Variants in MGAM observed in about 807,000 individuals in gnomAD.
MGAM encodes alpha-1,4-glucosidase.
Under a neutral mutation model 358.8 loss-of-function variants are expected in MGAM, and 253 were observed. That is an observed-to-expected ratio of 0.71 (90% CI 0.64 to 0.78). The LOEUF (loss-of-function observed/expected upper bound fraction) is 0.78. Ranked by LOEUF, MGAM falls within the 30% of genes least tolerant of loss-of-function variation. MGAM has a pLI of 0.00. For missense variants in MGAM, 3,080 were observed against 3,432.6 expected (o/e 0.90, Z 2.57); for synonymous variants, 1,105 against 1,227.1 (o/e 0.90, Z 2.08).
At chr7:142,026,575 A>T (rs28379279) in intron 8 of MGAM, among the ~76,000 whole-genome samples, 44 of 152,282 alleles carry the variant, frequency 2.9e-4, no homozygotes, top group African/African-American at 1.0e-3. Flanking sequence ...AACAAATGAC[A>T]TTTTGGAAAG....
chr7:142,047,717 ATATTCTCAGC>A, intron 21 of MGAM, 58 bp from the exon 22 acceptor site: 1 of 1,417,448 alleles, frequency 7.1e-7, no homozygotes, highest in Admixed American at 1.7e-5. Flanking sequence ...TTTGATGGAA[ATATTCTCAGC>A]TCGGCTGGCA....
At chr7:142,064,635 A>C in intron 37 of MGAM, 113 bp downstream of exon 37, 975 of 1,372,850 alleles carry the variant, frequency 7.1e-4, no homozygotes, top group Non-Finnish European at 8.7e-4. Flanking sequence ...GAAGATTCTC[A>C]TAACTCTGTA....
Position 142,027,665 on chromosome 7 carries a change from G to A in MGAM, c.1151G>A (p.Arg384His), listed in dbSNP as rs537674844. 1.1e-5 allele frequency: 18 copies of A among 1,613,722 alleles called. No homozygotes were observed. Among genetic ancestry groups the A allele is most frequent in the Admixed American group, 3.3e-5 (2 of 59,998 alleles). Reference protein sequence around the residue: ...SYWALGFHLSRYEYGTLDNMR... With the variant: ...SYWALGFHLSHYEYGTLDNMR... ...TGGGCGCTTGGATTTCACCTCAGTC[G>A]TTACGAATATGGAACCTTAGACAAC... Residue 384 changes from arginine to histidine, a missense_variant, in exon 10 of 71, where the codon CGT becomes CAT. By Grantham distance (29) the Arg-to-His change is conservative (BLOSUM62 0). This residue lies in a region of MGAM where 1,816 missense variants were observed against 1,840.5 expected (regional missense o/e 0.99). Transcript: ENST00000475668.
chr7:142,054,280 T>C (rs576093661), intron 26 of MGAM, among the ~76,000 whole-genome samples: 12 of 152,328 alleles, frequency 7.9e-5, no homozygotes, highest in Non-Finnish European at 1.5e-4. Flanking sequence ...TGAGCTCACG[T>C]CCCTAGTGTC....
intron 21 of MGAM, among the ~76,000 whole-genome samples, chr7:142,041,107 C>T (rs571765125): frequency 6.6e-6 from 1 of 152,072 alleles, no homozygotes; most frequent in Non-Finnish European, 1.5e-5. Flanking sequence ...TTCTAGAGAA[C>T]CTTGACTCTC....
chr7:141,990,820 C>T (rs1237847839), intron 2 of MGAM, among the ~76,000 whole-genome samples: 2 of 152,200 alleles, frequency 1.3e-5, no homozygotes, highest in Non-Finnish European at 2.9e-5. Flanking sequence ...TAATGCTGCT[C>T]CCTTCGCCCA....
At chr7:141,998,868 C>T (rs1395173988) in intron 1 of MGAM, among the ~76,000 whole-genome samples, 1 of 152,120 alleles carries the variant, frequency 6.6e-6, no homozygotes, top group East Asian at 1.9e-4. Context: ...TTTACACTCC[C>T]AACAGTGTAA....
In MGAM at chr7:142,036,264, T is replaced by A; in HGVS notation, c.2055T>A (p.Asn685Lys). The part of the protein sequence containing the change: ...QLGAFYPFSR[N>K]HNGQGYKDQD... Reference sequence around the variant, plus strand: ...GTGCATTTTATCCGTTTTCTAGAAATCACAATGGCCAAGGCTACAAGGTAA... The same window carrying A: ...GTGCATTTTATCCGTTTTCTAGAAAACACAATGGCCAAGGCTACAAGGTAA... Residue 685 changes from asparagine (N) to lysine (K), a missense_variant, in exon 17 of 71, where the codon AAT (asparagine) becomes AAA (lysine). Around this residue, in one of 5 missense-constraint regions of MGAM, gnomAD observed 1,816 missense variants for 1,840.5 expected, o/e 0.99. Transcript: ENST00000475668. 6.2e-7 allele frequency: 1 copy of A among 1,608,324 alleles called. No individual in the cohort carries two copies. Among genetic ancestry groups the A allele is most frequent in the Non-Finnish European group, 8.5e-7 (1 of 1,177,344 alleles).
At chr7:142,062,464 C>G (rs1478822771) in intron 34 of MGAM, 104 bp from the exon 35 acceptor site, 2 of 1,436,180 alleles carry the variant, frequency 1.4e-6, no homozygotes, top group South Asian at 1.4e-5. Flanking sequence ...GGCTGTCTGT[C>G]ACCATGCAGT....
intron 22 of MGAM, among the ~76,000 whole-genome samples, chr7:142,049,646 CAGATG>C (rs1266517655): frequency 2.0e-5 from 3 of 152,106 alleles, no homozygotes; most frequent in Non-Finnish European, 4.4e-5. Context: ...AGGACCTGAA[CAGATG>C]TTTTTCCAAG....
rs1038411913 is a variant in MGAM, at chr7:142,055,630, G to A, written c.3387G>A (p.Lys1129=). 11 of 1,613,912 alleles carry A rather than the reference G, an allele frequency of 6.8e-6. No individual in the cohort carries two copies. Among genetic ancestry groups the A allele is most frequent in the African/African-American group, 1.3e-5 (1 of 75,018 alleles). ...FIRISTRLPS[K]YLYGFGETEH... ...GCATCTCCACCCGCCTTCCCTCCAAGTACCTCTATGGCTTTGGGGAAACTG... is the reference window on the plus strand; with the variant it reads ...GCATCTCCACCCGCCTTCCCTCCAAATACCTCTATGGCTTTGGGGAAACTG... The change falls in exon 28 of 71, where the codon AAG becomes AAA. Residue 1129 remains lysine (K), a synonymous_variant. Coordinates refer to ENST00000475668, the MANE Select transcript of MGAM (RefSeq NM_001365693.1).
chr7:142,092,673 C>A, intron 59 of MGAM, 65 bp downstream of exon 59: 2 of 1,393,594 alleles, frequency 1.4e-6, no homozygotes, highest in Non-Finnish European at 2.0e-6. Flanking sequence ...ACTGGAGGAG[C>A]CCGAGGCCAG....
Position 142,095,784 on chromosome 7 carries a change from C to T in MGAM, c.7607+71C>T. On this transcript the variant is annotated intron_variant, in intron 64 of 70. Transcript: ENST00000475668. ...CATTCTATATGGTGACAGTTGAATT[C>T]TTCCAAATTAAAGACATGATTGCCT... is the stretch of plus-strand genomic sequence containing the variant. 1.9e-6 allele frequency: 3 copies of T among 1,581,680 alleles called. No individual in the cohort carries two copies. The South Asian group carries it at 3.5e-5, about 18-fold the overall frequency.
intron 2 of MGAM, among the ~76,000 whole-genome samples, chr7:142,007,547 C>T (rs1186409068): frequency 6.6e-6 from 1 of 152,084 alleles, no homozygotes; most frequent in Non-Finnish European, 1.5e-5. Flanking sequence ...ATTATGCAGA[C>T]ATTGGCACAA....
At position 142,034,765 on chromosome 7, in the gene MGAM, A is replaced by G. The variant is rs539459227; in HGVS notation, c.1883A>G (p.Asp628Gly). ...SGKFAAHWLG[D>G]NTATWDDLRW... The stretch of plus-strand genomic sequence containing the variant: ...AAGTTTGCAGCACATTGGTTAGGAG[A>G]CAACACTGCCACCTGGGATGACCTG... The change falls in exon 16 of 71, where the codon GAC becomes GGC. Residue 628 changes from aspartate (D) to glycine (G), a missense_variant. Asp to Gly is a moderately conservative substitution (Grantham distance 94). This residue lies in a region of MGAM where 1,816 missense variants were observed against 1,840.5 expected (regional missense o/e 0.99). Coordinates refer to ENST00000475668, the MANE Select transcript of MGAM (RefSeq NM_001365693.1). 3 of 1,613,556 alleles carry G rather than the reference A, an allele frequency of 1.9e-6. No individual in the cohort carries two copies. The highest frequency in any genetic ancestry group is 2.2e-5 in the East Asian group (1 of 44,838).
At position 142,065,863 on chromosome 7, in the gene MGAM, A is replaced by G. The variant is rs1370562010; in HGVS notation, c.4770+32A>G. 12 of 1,432,074 alleles carry G rather than the reference A, an allele frequency of 8.4e-6. 1 individual carries two copies. Among genetic ancestry groups the G allele is most frequent in the Non-Finnish European group, 1.1e-5 (11 of 1,024,738 alleles). The allele number at this position is 1,432,074 out of a possible 1,614,324, so 88.7% of individuals were successfully genotyped here. A position where few individuals can be genotyped will look rare whatever the true frequency, so the allele number is the denominator to read the frequency against. Reference sequence around the variant, plus strand: ...CAGTGGCTTCTACCTCCACTGTTTTATGTCACTTGAAAGACAGTCTCCATT... The same window carrying G: ...CAGTGGCTTCTACCTCCACTGTTTTGTGTCACTTGAAAGACAGTCTCCATT... On this transcript the variant is annotated intron_variant, in intron 40 of 70. Transcript: ENST00000475668.
At position 142,031,719 on chromosome 7, in the gene MGAM, C is replaced by A. The variant is rs1807509645; in HGVS notation, c.1510C>A (p.Pro504Thr). 1 of 1,613,334 alleles carries A rather than the reference C, an allele frequency of 6.2e-7. No homozygotes were observed. Among genetic ancestry groups the A allele is most frequent in the Non-Finnish European group, 8.5e-7 (1 of 1,179,438 alleles). ...AACTGTGTTTCCTGATTATACCAAT[C>A]CCAACTGTGCTGTTTGGTGGACAAA... is the stretch of plus-strand genomic sequence containing the variant. Reference protein sequence around the residue: ...GQTVFPDYTNPNCAVWWTKEF... With the variant: ...GQTVFPDYTNTNCAVWWTKEF... The change falls in exon 13 of 71, where the codon CCC becomes ACC. Residue 504 changes from proline (P) to threonine (T), a missense_variant. Physicochemically the swap from Pro to Thr is conservative, Grantham distance 38. Transcript: ENST00000475668.
intron 64 of MGAM, 66 bp downstream of exon 64, chr7:142,095,779 G>T (rs1190818077): frequency 1.3e-6 from 2 of 1,586,266 alleles, no homozygotes; most frequent in Non-Finnish European, 1.7e-6. Flanking sequence ...GGTGACAGTT[G>T]AATTCTTCCA....
chr7:142,021,397 T>C (rs1419719575), intron 5 of MGAM, among the ~76,000 whole-genome samples, 189 bp from the exon 6 acceptor site: 1 of 152,228 alleles, frequency 6.6e-6, no homozygotes, highest in East Asian at 1.9e-4. Context: ...ATGTGCTCTG[T>C]ATGTCTCTAC....
Sources: gnomAD v4.1 joint callset for allele counts (sites outside exome capture counted in the v4.1 genomes callset) on GRCh38, gnomAD v4.1.1 for gene constraint, gnomAD v4.1.1 regional missense constraint, MANE v1.5 for transcripts, NCBI Gene and HGNC (gene_info 2026-07-23, HGNC 2026-07-21) for gene names.